Variants in NUB1 observed in about 807,000 individuals in gnomAD.
The protein encoded by NUB1 is NEDD8 ultimate buster 1.
NUB1 carries 41 observed loss-of-function variants against 77.1 expected under a neutral mutation model. That is an observed-to-expected ratio of 0.53 (90% CI 0.41 to 0.69). NUB1 has a LOEUF of 0.69. NUB1 is among the 30% of genes least tolerant of loss of function. NUB1 has a pLI of 0.00. For missense variants in NUB1, 643 were observed against 743.8 expected (o/e 0.86, Z 1.58); for synonymous variants, 257 against 281.0 (o/e 0.91, Z 0.85).
chr7:151,348,004 G>C (rs1203971294), intron 2 of NUB1, among the ~76,000 whole-genome samples: 3 of 152,206 alleles, frequency 2.0e-5, no homozygotes. Context: ...GGGACTGGAA[G>C]TGTGTTTGGA....
intron 11 of NUB1, among the ~76,000 whole-genome samples, chr7:151,373,816 T>C (rs2150719345): frequency 6.6e-6 from 1 of 152,346 alleles, no homozygotes; most frequent in South Asian, 2.1e-4. Flanking sequence ...CCCATCCTGA[T>C]GCCGGATGGT....
intron 5 of NUB1, among the ~76,000 whole-genome samples, chr7:151,355,159 T>C (rs1369655293): frequency 6.6e-6 from 1 of 152,230 alleles, no homozygotes; most frequent in Non-Finnish European, 1.5e-5. Context: ...TTTCTCATTT[T>C]CCGTTTATAT....
intron 8 of NUB1, chr7:151,360,862 C>G (rs1036471892): frequency 1.3e-5 from 2 of 151,938 alleles, no homozygotes; most frequent in African/African-American, 4.8e-5. Context: ...GTCTCAAACT[C>G]CTGGGCTCAA....
chr7:151,345,588 C>T (rs368630465), intron 2 of NUB1, 122 bp downstream of exon 2: 17 of 523,478 alleles, frequency 3.2e-5, no homozygotes, highest in African/African-American at 2.0e-4. Flanking sequence ...TAGTGGTGAG[C>T]GGGTACCCAC....
In NUB1 at chr7:151,362,250, T is replaced by C. The variant is rs993591049; in HGVS notation, c.800+2003T>C. On this transcript the variant is annotated intron_variant, in intron 8 of 14. Coordinates refer to ENST00000568733, the MANE Select transcript of NUB1 (RefSeq NM_001243351.2). ...TTCTAAGTAGAGAAAGTTTTTTTTT[T>C]CCTGGGCATCTATTTATCCTGGGCA... 5.9e-5 allele frequency among the ~76,000 whole-genome samples: 9 copies of C among 152,136 alleles called. No individual in the cohort carries two copies. In the East Asian group the frequency reaches 1.5e-3, roughly 26 times the overall value.
chr7:151,342,217 A>G (rs1796248368), intron 1 of NUB1, among the ~76,000 whole-genome samples: 1 of 152,222 alleles, frequency 6.6e-6, no homozygotes, highest in Non-Finnish European at 1.5e-5. Context: ...ATTTATTTGC[A>G]ATCAAAGCCA....
At chr7:151,374,480 A>G (rs965398264) in intron 12 of NUB1, 2 of 601,900 alleles carry the variant, frequency 3.3e-6, no homozygotes, top group African/African-American at 3.7e-5. Flanking sequence ...GCCTGTCCAC[A>G]CCAGCACAGT....
intron 8 of NUB1, among the ~76,000 whole-genome samples, chr7:151,365,997 A>G (rs1365065652): frequency 1.3e-5 from 2 of 152,232 alleles, no homozygotes; most frequent in African/African-American, 4.8e-5. Flanking sequence ...TAGAACACCA[A>G]TGAACATAAA....
chr7:151,360,934 C>CTTTTT (rs1320765849), intron 8 of NUB1: 3 of 21,052 alleles, frequency 1.4e-4, no homozygotes, highest in Non-Finnish European at 1.9e-4. Flanking sequence ...GCTGTGTCGG[C>CTTTTT]TTTTTTTTTT....
At chr7:151,369,726 G>A (rs547736739) in intron 11 of NUB1, among the ~76,000 whole-genome samples, 10 of 152,324 alleles carry the variant, frequency 6.6e-5, no homozygotes, top group African/African-American at 2.2e-4. Context: ...GCCAAAACAA[G>A]AAGTTGGTAC....
chr7:151,368,270 G>A (rs1290032569), intron 10 of NUB1, among the ~76,000 whole-genome samples: 1 of 152,174 alleles, frequency 6.6e-6, no homozygotes, highest in Non-Finnish European at 1.5e-5. Flanking sequence ...GGCGTCCTAG[G>A]TTGCTCCTGT....
chr7:151,358,797 G>T (rs544085812), intron 7 of NUB1, among the ~76,000 whole-genome samples: 3 of 152,318 alleles, frequency 2.0e-5, no homozygotes, highest in East Asian at 3.9e-4. Context: ...GGGCGCGGTG[G>T]CTCACGCCTG....
At chr7:151,349,329 C>A in intron 3 of NUB1, 89 bp downstream of exon 3, 1 of 1,111,640 alleles carries the variant, frequency 9.0e-7, no homozygotes, top group Non-Finnish European at 1.3e-6. Context: ...AGTTACAATC[C>A]AAAGTCAGAA....
chr7:151,346,312 C>G (rs1251393559), intron 2 of NUB1, among the ~76,000 whole-genome samples: 1 of 152,210 alleles, frequency 6.6e-6, no homozygotes, highest in Non-Finnish European at 1.5e-5. Flanking sequence ...GGTTTAGAAA[C>G]TAGGTGTGGC....
chr7:151,373,215 T>C (rs1048969211), intron 11 of NUB1, among the ~76,000 whole-genome samples: 1 of 152,178 alleles, frequency 6.6e-6, no homozygotes. Context: ...CCTGGGAGAA[T>C]GTAGCAAGTC....
chr7:151,374,248 C>G lies in NUB1; in HGVS notation c.1395+5C>G. ...AACTTGGATGAGGCCCTGAAGGTAG[C>G]AGCTCCCTCGGGGCCTCTGGCCTTG... On this transcript the variant is annotated splice_donor_5th_base_variant and intron_variant, in intron 12 of 14. Coordinates refer to ENST00000568733, the MANE Select transcript of NUB1 (RefSeq NM_001243351.2). 6.4e-7 allele frequency: 1 copy of G among 1,552,516 alleles called. No individual in the cohort carries two copies. The highest frequency in any genetic ancestry group is 8.7e-7 in the Non-Finnish European group (1 of 1,147,662).
chr7:151,368,050 T>C, intron 10 of NUB1, 82 bp downstream of exon 10: 1 of 784,100 alleles, frequency 1.3e-6, no homozygotes, highest in Non-Finnish European at 2.1e-6. Context: ...CTTAGTAGTT[T>C]GTGACTTGTG....
chr7:151,359,076 A>G (rs1008410712), intron 7 of NUB1, among the ~76,000 whole-genome samples: 1 of 150,918 alleles, frequency 6.6e-6, no homozygotes, highest in African/African-American at 2.4e-5. Context: ...AAAAAAAAAT[A>G]AAATAAAAAA....
At chr7:151,346,949 G>A (rs439218) in intron 2 of NUB1, among the ~76,000 whole-genome samples, 114,974 of 151,884 alleles carry the variant, frequency 0.76, 43,815 homozygotes, top group East Asian at 0.98. Context: ...TTTTTTGTGG[G>A]CTGAGCCCTT....
Sources: allele counts gnomAD v4.1 joint callset (sites outside exome capture counted in the v4.1 genomes callset), GRCh38; gene constraint gnomAD v4.1.1; transcripts MANE v1.5; gene names NCBI Gene and HGNC (gene_info 2026-07-23, HGNC 2026-07-21).